Variants in STAU1 observed in about 807,000 individuals in gnomAD.
The protein encoded by STAU1 is staufen double-stranded RNA binding protein 1.
In STAU1, 13 loss-of-function variants were observed where a neutral mutation model predicts 62.9. That is an observed-to-expected ratio of 0.21 (90% CI 0.13 to 0.33). The LOEUF is 0.33. Ranked by LOEUF, STAU1 falls within the 10% of genes least tolerant of loss-of-function variation. The probability of loss-of-function intolerance (pLI) is 1.00; values close to 1 mark genes in which losing one functional copy is unlikely to be tolerated. For synonymous variants in STAU1, 269 were observed against 265.1 expected (o/e 1.01, Z -0.14); for missense variants, 571 against 712.1 (o/e 0.80, Z 2.25).
chr20:49,157,506 A>G (rs2146298216), intron 3 of STAU1, among the ~76,000 whole-genome samples: 1 of 151,228 alleles, frequency 6.6e-6, no homozygotes, highest in African/African-American at 2.4e-5. Flanking sequence ...TTTTTGAGAC[A>G]GTCTTGCTCT....
At chr20:49,153,413 A>G (rs2093294224) in intron 4 of STAU1, among the ~76,000 whole-genome samples, 1 of 148,728 alleles carries the variant, frequency 6.7e-6, no homozygotes, top group African/African-American at 2.5e-5. Context: ...AAAAAAAAAA[A>G]AAAGAGGCGC....
intron 6 of STAU1, among the ~76,000 whole-genome samples, chr20:49,129,104 CAAT>C (rs2092695504): frequency 6.6e-6 from 1 of 151,438 alleles, no homozygotes; most frequent in Non-Finnish European, 1.5e-5. Context: ...CTCCAAAACT[CAAT>C]AATAAAAAGA....
At chr20:49,206,046 C>G in the STAU1 span, among the ~76,000 whole-genome samples, 1 of 144,884 alleles carries the variant, frequency 6.9e-6, no homozygotes, top group African/African-American at 2.5e-5. Context: ...TGCAGTGGCA[C>G]GATCTCGGCT....
Position 49,134,573 on chromosome 20 carries a change from G to T in STAU1, c.609+1260C>A. On this transcript the variant is annotated intron_variant, in intron 6 of 13. Transcript: ENST00000371856. Reference sequence around the variant, plus strand: ...TATCAGAAGTCAATTCAAAGGACCTGCCCCCAGAGAGACAAAAGATACAGA... The same window carrying T: ...TATCAGAAGTCAATTCAAAGGACCTTCCCCCAGAGAGACAAAAGATACAGA... 4.6e-6 allele frequency: 6 copies of T among 1,299,200 alleles called. No individual in the cohort carries two copies. The South Asian group carries it at 7.1e-5, about 15-fold the overall frequency. 80.5% of individuals were successfully genotyped at this position (1,299,200 alleles called of 1,614,324 possible).
In STAU1 at chr20:49,161,136, T is replaced by A. The variant is rs550442355; in HGVS notation, c.205+4861A>T. 6.0e-5 allele frequency among the ~76,000 whole-genome samples: 9 copies of A among 151,192 alleles called. No homozygotes were observed. In the South Asian group the frequency reaches 1.9e-3, roughly 32 times the overall value. ...CAACTCAAAACAAGCCTGGGCAACA[T>A]AGTGAGACTTCATCTCCACAAAGAA... On this transcript the variant is annotated intron_variant, in intron 3 of 13. Transcript: ENST00000371856.
At chr20:49,190,820 T>G (rs1431455618), upstream of STAU1, among the ~76,000 whole-genome samples, 2 of 152,202 alleles carry the variant, frequency 1.3e-5, 1 homozygote, top group Middle Eastern at 6.8e-3. Context: ...AAATTATGTG[T>G]GTTCCTTCTC....
At chr20:49,116,834 T>A (rs1195699529) in intron 12 of STAU1, among the ~76,000 whole-genome samples, 1 of 152,020 alleles carries the variant, frequency 6.6e-6, no homozygotes, top group Non-Finnish European at 1.5e-5. Flanking sequence ...AGAGATGAAG[T>A]GAGTGCAGTC....
intron 1 of STAU1, among the ~76,000 whole-genome samples, chr20:49,176,653 A>G (rs968154013): frequency 2.0e-5 from 3 of 152,142 alleles, no homozygotes; most frequent in Non-Finnish European, 4.4e-5. Context: ...ATAGTATATT[A>G]TACTAACAAC....
chr20:49,189,006 C>G (rs956246471), upstream of STAU1, among the ~76,000 whole-genome samples: 2 of 150,838 alleles, frequency 1.3e-5, no homozygotes, highest in Admixed American at 1.3e-4. Context: ...CGAGACCATC[C>G]TGGCTACCAC....
chr20:49,163,610 G>A (rs2093483261), intron 3 of STAU1, among the ~76,000 whole-genome samples: 1 of 151,808 alleles, frequency 6.6e-6, no homozygotes, highest in Admixed American at 6.6e-5. Context: ...ATTTTTAATA[G>A]AGACAGGGTT....
the STAU1 span, among the ~76,000 whole-genome samples, chr20:49,193,882 T>G: frequency 6.6e-6 from 1 of 151,320 alleles, no homozygotes; most frequent in Non-Finnish European, 1.5e-5. Flanking sequence ...GTCAGGAGAA[T>G]GGCGTGAACC....
chr20:49,133,628 T>C (rs2092803648), intron 6 of STAU1, among the ~76,000 whole-genome samples: 1 of 151,976 alleles, frequency 6.6e-6, no homozygotes, highest in Admixed American at 6.6e-5. Flanking sequence ...CAGCCTCCAC[T>C]GATGGAGGGA....
intron 5 of STAU1, among the ~76,000 whole-genome samples, chr20:49,148,270 C>G (rs2093169381): frequency 6.6e-6 from 1 of 152,312 alleles, no homozygotes; most frequent in East Asian, 1.9e-4. Flanking sequence ...CCGTACATGA[C>G]CTCATGCAAC....
chr20:49,196,784 GAAA>G, the STAU1 span, among the ~76,000 whole-genome samples: 36 of 145,166 alleles, frequency 2.5e-4, no homozygotes, highest in Middle Eastern at 3.6e-3. Flanking sequence ...AGGAAAAAAA[GAAA>G]AAAAAAAAAA....
At chr20:49,203,138 A>T in the STAU1 span, among the ~76,000 whole-genome samples, 1 of 152,008 alleles carries the variant, frequency 6.6e-6, no homozygotes, top group African/African-American at 2.4e-5. Flanking sequence ...GTACATATCA[A>T]TGAGGGGTGG....
chr20:49,120,123 C>T lies in STAU1; in HGVS notation c.972G>A (p.Lys324=), dbSNP rs1293316472. 6 of 1,613,094 alleles carry T rather than the reference C, an allele frequency of 3.7e-6. No individual in the cohort carries two copies. The highest frequency in any genetic ancestry group is 4.5e-5 in the East Asian group (2 of 44,854). The change falls in exon 9 of 14, where the codon AAG becomes AAA. Residue 324 remains lysine (K), a synonymous_variant. Transcript: ENST00000371856. ...TTCCTTCTGCAGTGTGGTTTCCAAC[C>T]TTCACCTGCACAAAGAAGTCAAAAC... ...PRRREFVMQV[K]VGNHTAEGTG...
intron 5 of STAU1, among the ~76,000 whole-genome samples, chr20:49,146,970 A>G (rs1405204876): frequency 6.6e-6 from 1 of 152,194 alleles, no homozygotes; most frequent in African/African-American, 2.4e-5. Flanking sequence ...TCAGACACTG[A>G]GTAAAACTCA....
In STAU1 at chr20:49,114,595, G is replaced by C. The variant is rs1229788723; in HGVS notation, c.*283C>G. 4 of 439,744 alleles carry C rather than the reference G, an allele frequency of 9.1e-6. No homozygotes were observed. The highest frequency in any genetic ancestry group is 1.6e-5 in the Non-Finnish European group (4 of 243,614). 27.2% of individuals were successfully genotyped at this position (439,744 alleles called of 1,614,324 possible). A position where few individuals can be genotyped will look rare whatever the true frequency, so the allele number is the denominator to read the frequency against. On this transcript the variant is annotated 3_prime_UTR_variant, in exon 14 of 14. Coordinates refer to ENST00000371856, the MANE Select transcript of STAU1 (RefSeq NM_017453.4). ...CAGGGTGTGGATCTGCTGGTGTCCC[G>C]GGAGAACCAGCTGGCTGGGCAGCCC... is the stretch of plus-strand genomic sequence containing the variant.
At chr20:49,120,569 T>C (rs2092443267) in intron 8 of STAU1, among the ~76,000 whole-genome samples, 1 of 152,174 alleles carries the variant, frequency 6.6e-6, no homozygotes, top group Non-Finnish European at 1.5e-5. Flanking sequence ...ATGCTACGTA[T>C]CAAAGATCAT....
Sources: gnomAD v4.1 joint callset for allele counts (sites outside exome capture counted in the v4.1 genomes callset) on GRCh38, gnomAD v4.1.1 for gene constraint, MANE v1.5 for transcripts, NCBI Gene and HGNC (gene_info 2026-07-23, HGNC 2026-07-21) for gene names.